Variants in NPHP1 observed in about 807,000 individuals in gnomAD.
NPHP1 encodes nephrocystin 1.
Under a neutral mutation model 90.4 loss-of-function variants are expected in NPHP1, and 70 were observed. The observed-to-expected ratio is 0.77, with a 90% CI of 0.64 to 0.95. NPHP1 has a LOEUF of 0.95. Ranked by LOEUF, NPHP1 falls within the 40% of genes least tolerant of loss-of-function variation. NPHP1 has a pLI of 0.00. For missense variants in NPHP1, 764 were observed against 795.9 expected, an observed-to-expected ratio of 0.96 and a Z score of 0.48; for synonymous variants, 256 against 271.7, an observed-to-expected ratio of 0.94 and a Z score of 0.57.
chr2:110,168,670 T>C, intron 5 of NPHP1, 117 bp from the exon 6 acceptor site: 1 of 721,756 alleles, frequency 1.4e-6, no homozygotes, highest in South Asian at 1.6e-5. Flanking sequence ...TTTAATCCAA[T>C]ATTTATCCTA....
At chr2:110,152,879 T>C (rs1048598365) in intron 11 of NPHP1, among the ~76,000 whole-genome samples, 3 of 150,758 alleles carry the variant, frequency 2.0e-5, no homozygotes, top group Non-Finnish European at 4.4e-5. Context: ...GAAGAAATAA[T>C]TGGAGTTGCA....
intron 18 of NPHP1, 44 bp downstream of exon 18, chr2:110,129,142 C>T: frequency 2.1e-6 from 3 of 1,460,080 alleles, no homozygotes; most frequent in Non-Finnish European, 2.9e-6. Context: ...TGTATAACTG[C>T]TTCCATAAGC....
intron 2 of NPHP1, among the ~76,000 whole-genome samples, chr2:110,193,010 T>C (rs1382341506): frequency 5.9e-5 from 9 of 152,046 alleles, no homozygotes; most frequent in Admixed American, 5.9e-4. Flanking sequence ...AAGGAAGCAC[T>C]AAACATGGAA....
intron 16 of NPHP1, among the ~76,000 whole-genome samples, chr2:110,143,312 C>T (rs554602365): frequency 1.6e-4 from 24 of 152,224 alleles, no homozygotes; most frequent in African/African-American, 4.3e-4. Context: ...CTTCTATTTA[C>T]TAGATGGCTC....
In NPHP1 at chr2:110,131,542, G is replaced by A. The variant is rs908997815; in HGVS notation, c.1642+137C>T. On this transcript the variant is annotated intron_variant, in intron 17 of 19. Coordinates refer to ENST00000445609, the MANE Select transcript of NPHP1 (RefSeq NM_001128178.3). ...GATCTGAAGATGTCCCATAAGTAATGTATTAACATCAATGCTGTTCTAAAT... is the reference window on the plus strand; with the variant it reads ...GATCTGAAGATGTCCCATAAGTAATATATTAACATCAATGCTGTTCTAAAT... 329 of 674,764 alleles carry A rather than the reference G, an allele frequency of 4.9e-4. 4 individuals carry two copies. The Admixed American group carries it at 7.1e-3, about 14-fold the overall frequency. 41.8% of individuals were successfully genotyped at this position (674,764 alleles called of 1,614,324 possible). A position where few individuals can be genotyped will look rare whatever the true frequency, so the allele number is the denominator to read the frequency against.
In NPHP1 at chr2:110,161,653, G is replaced by A; in HGVS notation, c.904C>T (p.Pro302Ser). 1 of 1,613,206 alleles carries A rather than the reference G, an allele frequency of 6.2e-7. No individual in the cohort carries two copies. The highest frequency in any genetic ancestry group is 8.5e-7 in the Non-Finnish European group (1 of 1,179,334). Residue 302 changes from proline to serine, a missense_variant, in exon 10 of 20, where the codon CCT becomes TCT. Transcript: ENST00000445609. ...AGATCTCTGAAGGCCAGTTGTGAAG[G>A]CATGAGCTCTGGTTGTAAGAAGTAA... is the stretch of plus-strand genomic sequence containing the variant. ...ANYFLQPELM[P>S]SQLAFRDLMW...
At chr2:110,156,073 CTTT>C (rs35055335) in intron 11 of NPHP1, among the ~76,000 whole-genome samples, 3 of 142,022 alleles carry the variant, frequency 2.1e-5, no homozygotes, top group Non-Finnish European at 3.1e-5. Flanking sequence ...GCAGGTCTTT[CTTT>C]TTTTTTTTTT....
At chr2:110,161,464 A>C (rs3817140) in intron 10 of NPHP1, 139 bp downstream of exon 10, 1 of 617,334 alleles carries the variant, frequency 1.6e-6, no homozygotes, top group African/African-American at 1.8e-5. Flanking sequence ...AGTTATAAAA[A>C]TATCGCTATT....
At chr2:110,131,484 A>G (rs1679769941) in intron 17 of NPHP1, among the ~76,000 whole-genome samples, 195 bp downstream of exon 17, 1 of 152,190 alleles carries the variant, frequency 6.6e-6, no homozygotes, top group Non-Finnish European at 1.5e-5. Context: ...AAAGAACTGA[A>G]TATGTGTCGA....
intron 4 of NPHP1, among the ~76,000 whole-genome samples, chr2:110,171,697 C>T (rs1385368718): frequency 6.6e-6 from 1 of 152,090 alleles, no homozygotes; most frequent in Non-Finnish European, 1.5e-5. Context: ...GGTTTTTCCC[C>T]TTCATTAATG....
Position 110,198,495 on chromosome 2 carries a change from T to G in NPHP1, c.143+2926A>C, listed in dbSNP as rs530879160. Reference sequence around the variant, plus strand: ...TGATTACGTTTAGATTTAGTTGGGGTTCTTTCTTTTAAAAGTCTATTTACA... The same window carrying G: ...TGATTACGTTTAGATTTAGTTGGGGGTCTTTCTTTTAAAAGTCTATTTACA... On this transcript the variant is annotated intron_variant, in intron 2 of 19. Coordinates refer to ENST00000445609, the MANE Select transcript of NPHP1 (RefSeq NM_001128178.3). 4.6e-5 allele frequency among the ~76,000 whole-genome samples: 7 copies of G among 152,280 alleles called. No homozygotes were observed. In the East Asian group the frequency reaches 1.3e-3, roughly 29 times the overall value.
rs201589963 is a variant in NPHP1 at position 110,143,638 on chromosome 2, T to C, written c.1433A>G (p.His478Arg). 1.2e-6 allele frequency: 2 copies of C among 1,610,944 alleles called. No individual in the cohort carries two copies. The highest frequency in any genetic ancestry group is 2.7e-5 in the African/African-American group (2 of 75,010). ...EVDPSISRRAHGSVFYQIMTM... is the reference protein window; with the variant it reads ...EVDPSISRRARGSVFYQIMTM... ...CATAATCTGGTAGAAAACACTGCCGTGTGCTTTTAAGAAAAATCAAAAGTA... is the reference window on the plus strand; with the variant it reads ...CATAATCTGGTAGAAAACACTGCCGCGTGCTTTTAAGAAAAATCAAAAGTA... The change falls in exon 16 of 20, where the codon CAC becomes CGC. Residue 478 changes from histidine to arginine, a missense_variant. His to Arg is a conservative substitution (Grantham distance 29). Coordinates refer to ENST00000445609, the MANE Select transcript of NPHP1 (RefSeq NM_001128178.3).
At chr2:110,172,962 C>CTTTTTTT (rs559012343) in intron 4 of NPHP1, among the ~76,000 whole-genome samples, 12 of 136,092 alleles carry the variant, frequency 8.8e-5, no homozygotes, top group South Asian at 2.3e-4. Context: ...TTTTCTTTTT[C>CTTTTTTT]TTTTTTTTTT....
chr2:110,181,380 C>T (rs936324647), intron 2 of NPHP1, among the ~76,000 whole-genome samples: 2 of 152,156 alleles, frequency 1.3e-5, no homozygotes, highest in African/African-American at 2.4e-5. Context: ...CTACAAAGTG[C>T]GTTTGGGCTG....
chr2:110,175,295 C>T (rs985197442), intron 4 of NPHP1, among the ~76,000 whole-genome samples: 13 of 152,114 alleles, frequency 8.5e-5, no homozygotes, highest in Non-Finnish European at 1.6e-4. Flanking sequence ...TATGTACCCA[C>T]GTACCCATCT....
At position 110,160,116 on chromosome 2, in the gene NPHP1, A is replaced by G. The variant is rs1682198299; in HGVS notation, c.1083+11T>C. ...CCTAGTATGAATTGATTTACTTCTC[A>G]GTAACCTTACCTTATTACCATCAAA... On this transcript the variant is annotated intron_variant, in intron 11 of 19. Coordinates refer to ENST00000445609, the MANE Select transcript of NPHP1 (RefSeq NM_001128178.3). The G allele has an allele frequency of 1.2e-6, 2 of 1,612,156 alleles. No individual in the cohort carries two copies. The highest frequency in any genetic ancestry group is 4.5e-5 in the East Asian group (2 of 44,772).
rs541057502 is a variant in NPHP1 at position 110,184,888 on chromosome 2, G to T, written c.144-5204C>A. Reference sequence around the variant, plus strand: ...TCAGGCCAGACTTGATCAGGGAGGAGAGTGAAGGCATCCACAAGGTCCTGG... The same window carrying T: ...TCAGGCCAGACTTGATCAGGGAGGATAGTGAAGGCATCCACAAGGTCCTGG... On this transcript the variant is annotated intron_variant, in intron 2 of 19. Coordinates refer to ENST00000445609, the MANE Select transcript of NPHP1 (RefSeq NM_001128178.3). 2.1e-3 allele frequency: 1,439 copies of T among 694,862 alleles called. 8 individuals are homozygous for T. The highest frequency in any genetic ancestry group is 4.5e-3 in the South Asian group (335 of 73,734). The allele number at this position is 694,862 out of a possible 1,614,324, so 43.0% of individuals were successfully genotyped here.
chr2:110,172,538 T>C (rs1683207573), intron 4 of NPHP1, among the ~76,000 whole-genome samples: 1 of 152,074 alleles, frequency 6.6e-6, no homozygotes, highest in Non-Finnish European at 1.5e-5. Flanking sequence ...CCCAGAACTT[T>C]GGGAGGCTGA....
intron 18 of NPHP1, chr2:110,127,522 A>G (rs1679454000): frequency 6.6e-6 from 1 of 152,174 alleles, no homozygotes; most frequent in South Asian, 2.1e-4. Flanking sequence ...TCTCTGGAAT[A>G]TATTCTTCCA....
Sources: allele counts gnomAD v4.1 joint callset (sites outside exome capture counted in the v4.1 genomes callset), GRCh38; gene constraint gnomAD v4.1.1; transcripts MANE v1.5; gene names NCBI Gene and HGNC (gene_info 2026-07-23, HGNC 2026-07-21).